Variants in CACNA1C observed in about 807,000 individuals in gnomAD.
CACNA1C encodes the protein voltage-dependent L-type calcium channel subunit alpha-1C.
A neutral mutation model predicts 229.0 loss-of-function variants in CACNA1C; 30 were observed. That is an observed-to-expected ratio of 0.13 (90% CI 0.10 to 0.18). The LOEUF (loss-of-function observed/expected upper bound fraction) is 0.18. Ranked by LOEUF, CACNA1C falls within the 10% of genes least tolerant of loss-of-function variation. CACNA1C has a pLI of 1.00. For missense variants in CACNA1C, 1,658 were observed against 2,845.0 expected (o/e 0.58, Z 9.49); for synonymous variants, 1,114 against 1,132.5 (o/e 0.98, Z 0.33).
intron 30 of CACNA1C, among the ~76,000 whole-genome samples, chr12:2,643,159 T>C (rs1402398234): frequency 6.6e-6 from 1 of 152,210 alleles, no homozygotes; most frequent in Non-Finnish European, 1.5e-5. Context: ...TCAGTGTCTG[T>C]AACTCCAAAC....
chr12:2,311,342 C>T (rs2095427433), intron 3 of CACNA1C, among the ~76,000 whole-genome samples: 1 of 152,198 alleles, frequency 6.6e-6, no homozygotes, highest in South Asian at 2.1e-4. Flanking sequence ...AAGACGTGTG[C>T]TGGAATTAAT....
chr12:2,449,147 T>C, intron 4 of CACNA1C, 32 bp downstream of exon 4: 1 of 1,476,010 alleles, frequency 6.8e-7, no homozygotes, highest in Non-Finnish European at 9.0e-7. Context: ...TTTCCCTTTA[T>C]CTTACCAGTG....
At chr12:2,005,104 A>G (rs182448870) in intron 1 of CACNA1C, among the ~76,000 whole-genome samples, 5 of 152,124 alleles carry the variant, frequency 3.3e-5, no homozygotes, top group South Asian at 2.1e-4. Context: ...CTGTATTGCT[A>G]GTCAAAGTAC....
At chr12:2,424,953 C>T (rs1439032636) in intron 3 of CACNA1C, among the ~76,000 whole-genome samples, 1 of 152,114 alleles carries the variant, frequency 6.6e-6, no homozygotes, top group Non-Finnish European at 1.5e-5. Flanking sequence ...TGGAGGAGGA[C>T]GTGGGGCCCA....
chr12:2,057,719 G>A (rs2055742010), intron 1 of CACNA1C, among the ~76,000 whole-genome samples: 3 of 152,300 alleles, frequency 2.0e-5, no homozygotes, highest in East Asian at 1.9e-4. Flanking sequence ...GCATCCCGCC[G>A]AGCCTGGAGG....
At chr12:2,454,959 G>C (rs1183302907) in intron 4 of CACNA1C, among the ~76,000 whole-genome samples, 1 of 152,152 alleles carries the variant, frequency 6.6e-6, no homozygotes, top group Non-Finnish European at 1.5e-5. Context: ...CCCCTGCACA[G>C]GTGGACGCCC....
rs2059561143 is a variant in CACNA1C, at chr12:2,067,173, G to C, written c.49+13562G>C. ...GCTCTGTAGGAGGCGTGCCAAGCTCGAGCTGGTGTGGGAGAATCAAGGTGG... is the reference window on the plus strand; with the variant it reads ...GCTCTGTAGGAGGCGTGCCAAGCTCCAGCTGGTGTGGGAGAATCAAGGTGG... On this transcript the variant is annotated intron_variant, in intron 1 of 46. Coordinates refer to ENST00000399655, the MANE Select transcript of CACNA1C (RefSeq NM_000719.7). This position sits in a 1 kb window ranked among gnomAD's most constrained non-coding sequence, Gnocchi z 5.3. Among the ~76,000 whole-genome samples the C allele has an allele frequency of 1.3e-5, 2 of 152,128 alleles. No individual in the cohort carries two copies. The highest frequency in any genetic ancestry group is 4.1e-4 in the South Asian group (2 of 4,826).
intron 3 of CACNA1C, among the ~76,000 whole-genome samples, chr12:2,178,662 C>G (rs575449661): frequency 6.6e-6 from 1 of 152,272 alleles, no homozygotes; most frequent in African/African-American, 2.4e-5. Context: ...CCTTCATGAC[C>G]GGGTTCCCAC....
intron 3 of CACNA1C, among the ~76,000 whole-genome samples, chr12:2,194,099 G>C (rs2097324831): frequency 6.6e-6 from 1 of 151,790 alleles, no homozygotes; most frequent in Non-Finnish European, 1.5e-5. Flanking sequence ...AAGATTACCT[G>C]CCCCGTCCTC....
At chr12:2,274,828 G>T (rs2086974502) in intron 3 of CACNA1C, among the ~76,000 whole-genome samples, 1 of 152,218 alleles carries the variant, frequency 6.6e-6, no homozygotes, top group South Asian at 2.1e-4. Context: ...AGGAACATGA[G>T]ATGGTGGAGT....
chr12:1,997,578 A>G (rs1391613529), intron 1 of CACNA1C, among the ~76,000 whole-genome samples: 1 of 152,190 alleles, frequency 6.6e-6, no homozygotes. Flanking sequence ...TAACTGAACA[A>G]TCTAGTATTT....
intron 1 of CACNA1C, among the ~76,000 whole-genome samples, chr12:1,995,763 A>G (rs1269508720): frequency 2.0e-5 from 3 of 152,098 alleles, no homozygotes; most frequent in Non-Finnish European, 4.4e-5. Context: ...TGGCCCTCAA[A>G]CCTAACCATA....
intron 13 of CACNA1C, among the ~76,000 whole-genome samples, chr12:2,572,598 TCCTCCTCC>T (rs2056215305): frequency 9.6e-6 from 1 of 104,226 alleles, no homozygotes; most frequent in Admixed American, 9.6e-5. Flanking sequence ...CCTTCTCCTC[TCCTCCTCC>T]TTCTCCTCTT....
At chr12:2,115,928 A>T (rs915155557) in intron 2 of CACNA1C, among the ~76,000 whole-genome samples, 1 of 152,338 alleles carries the variant, frequency 6.6e-6, no homozygotes, top group Non-Finnish European at 1.5e-5. Context: ...CGTTAGTTAC[A>T]TGCTGCCTCA....
At chr12:2,291,801 C>T (rs1566908374) in intron 3 of CACNA1C, among the ~76,000 whole-genome samples, 1 of 152,186 alleles carries the variant, frequency 6.6e-6, no homozygotes, top group Non-Finnish European at 1.5e-5. Context: ...TTAACGTCAC[C>T]TCTGTTTACT....
chr12:2,577,815 C>T (rs541593624), intron 13 of CACNA1C, among the ~76,000 whole-genome samples: 1 of 152,270 alleles, frequency 6.6e-6, no homozygotes, highest in South Asian at 2.1e-4. Context: ...TTCCTTCTCC[C>T]ATGGCCTCAC....
chr12:2,119,027 A>G (rs2085282848), intron 2 of CACNA1C, among the ~76,000 whole-genome samples: 1 of 152,164 alleles, frequency 6.6e-6, no homozygotes, highest in African/African-American at 2.4e-5. Context: ...ACGCTGGCCC[A>G]GGGCTGCCCC....
chr12:2,584,021 G>T (rs562967627), intron 15 of CACNA1C, among the ~76,000 whole-genome samples: 2 of 152,308 alleles, frequency 1.3e-5, no homozygotes, highest in South Asian at 4.1e-4. Context: ...CCCAAGCCTT[G>T]GCTGGCTCCA....
intron 3 of CACNA1C, among the ~76,000 whole-genome samples, chr12:2,144,748 A>G (rs1470842426): frequency 2.0e-5 from 3 of 151,482 alleles, no homozygotes; most frequent in African/African-American, 7.2e-5. Context: ...TATGATTGAA[A>G]AAAATGTTTT....
Sources: allele counts gnomAD v4.1 joint callset (sites outside exome capture counted in the v4.1 genomes callset), GRCh38; gene constraint gnomAD v4.1.1; non-coding constraint Gnocchi (gnomAD v3.1); transcripts MANE v1.5; gene names NCBI Gene and HGNC (gene_info 2026-07-23, HGNC 2026-07-21).